NMNAT3: variants seen among roughly 807,000 people sequenced by gnomAD.
NMNAT3 encodes the protein nicotinamide nucleotide adenylyltransferase 3.
NMNAT3 carries 21 observed loss-of-function variants against 24.8 expected under a neutral mutation model. The observed-to-expected ratio is 0.85, with a 90% CI of 0.60 to 1.22. NMNAT3 has a LOEUF of 1.22. NMNAT3 is among the 50% of genes most tolerant of loss of function. The pLI is 0.00. For synonymous variants in NMNAT3, 136 were observed against 155.2 expected (o/e 0.88, Z 0.92); for missense variants, 387 against 436.6 (o/e 0.89, Z 1.01).
intron 3 of NMNAT3, chr3:139,583,350 C>CA: frequency 6.7e-7 from 1 of 1,482,820 alleles, no homozygotes; most frequent in Non-Finnish European, 9.4e-7. Context: ...GGAATCTGTT[C>CA]AATAGGTACA....
intron 1 of NMNAT3, among the ~76,000 whole-genome samples, chr3:139,669,304 C>T (rs1220293443): frequency 6.6e-6 from 1 of 151,738 alleles, no homozygotes; most frequent in Non-Finnish European, 1.5e-5. Flanking sequence ...GAAACCCCAT[C>T]TCTACAAGGT....
At chr3:139,561,489 G>A in intron 6 of NMNAT3, 97 bp from the exon 7 acceptor site, 2 of 913,278 alleles carry the variant, frequency 2.2e-6, no homozygotes, top group Non-Finnish European at 1.6e-6. Flanking sequence ...TTTCTTGGAT[G>A]TATCGAGAAC....
chr3:139,670,306 T>C (rs1041830404), intron 1 of NMNAT3, among the ~76,000 whole-genome samples: 1 of 152,240 alleles, frequency 6.6e-6, no homozygotes, highest in Non-Finnish European at 1.5e-5. Context: ...TCTATCTCTT[T>C]GTCTCAGCAA....
chr3:139,647,734 A>G (rs927878849), intron 1 of NMNAT3, among the ~76,000 whole-genome samples: 1 of 152,198 alleles, frequency 6.6e-6, no homozygotes, highest in Non-Finnish European at 1.5e-5. Flanking sequence ...TTCTCCCTTG[A>G]GCCTCTGAAC....
At chr3:139,661,891 A>G (rs1388068108) in intron 1 of NMNAT3, among the ~76,000 whole-genome samples, 3 of 152,158 alleles carry the variant, frequency 2.0e-5, no homozygotes, top group African/African-American at 7.2e-5. Context: ...CAATATGATC[A>G]CACCTGAAAT....
chr3:139,648,262 C>T (rs2056937077), intron 1 of NMNAT3, among the ~76,000 whole-genome samples: 1 of 152,206 alleles, frequency 6.6e-6, no homozygotes, highest in Admixed American at 6.5e-5. Context: ...TCCCCTTTGC[C>T]TTCTGCCATG....
chr3:139,652,697 C>A (rs1048224624), intron 1 of NMNAT3, among the ~76,000 whole-genome samples: 1 of 152,194 alleles, frequency 6.6e-6, no homozygotes, highest in Non-Finnish European at 1.5e-5. Flanking sequence ...ATTTTCAAAA[C>A]CAAATTACAT....
intron 6 of NMNAT3, chr3:139,572,366 A>G (rs554246070): frequency 5.1e-6 from 2 of 395,096 alleles, no homozygotes; most frequent in South Asian, 2.9e-4. Flanking sequence ...AGACCAGAGG[A>G]ATACAATAAA....
intron 3 of NMNAT3, among the ~76,000 whole-genome samples, chr3:139,626,863 A>G (rs1380191522): frequency 2.0e-5 from 3 of 152,192 alleles, no homozygotes; most frequent in Non-Finnish European, 2.9e-5. Flanking sequence ...GTATAAAAAC[A>G]ATGTCCTTAA....
At chr3:139,663,185 G>A (rs1018541793) in intron 1 of NMNAT3, among the ~76,000 whole-genome samples, 11 of 152,162 alleles carry the variant, frequency 7.2e-5, no homozygotes, top group African/African-American at 2.4e-4. Context: ...TGTGGCTCCT[G>A]CCTCCCTTCC....
intron 1 of NMNAT3, among the ~76,000 whole-genome samples, chr3:139,642,585 C>T (rs189396864): frequency 6.6e-6 from 1 of 152,280 alleles, no homozygotes; most frequent in African/African-American, 2.4e-5. Context: ...GCACTGTGAC[C>T]TGAGAACTTA....
At chr3:139,577,133 A>AG (rs1939439470) in intron 5 of NMNAT3, among the ~76,000 whole-genome samples, 2 of 151,994 alleles carry the variant, frequency 1.3e-5, no homozygotes, top group South Asian at 4.1e-4. Flanking sequence ...CTCAAAAAAA[A>AG]AAAATTAAAA....
intron 3 of NMNAT3, among the ~76,000 whole-genome samples, chr3:139,591,604 C>T (rs9875067): frequency 6.6e-6 from 1 of 151,484 alleles, no homozygotes; most frequent in African/African-American, 2.4e-5. Context: ...GGTTCTCCCA[C>T]CACGCAGCTG....
chr3:139,595,153 C>T (rs904461955), intron 3 of NMNAT3, among the ~76,000 whole-genome samples: 3 of 152,170 alleles, frequency 2.0e-5, no homozygotes, highest in African/African-American at 7.2e-5. Flanking sequence ...AACAAGCATT[C>T]TTATACACCA....
chr3:139,643,513 T>C (rs1371035483), intron 1 of NMNAT3, among the ~76,000 whole-genome samples: 10 of 152,166 alleles, frequency 6.6e-5, no homozygotes, highest in Non-Finnish European at 1.5e-4. Context: ...AAAAACAAAA[T>C]ATACGTTGCA....
intron 3 of NMNAT3, among the ~76,000 whole-genome samples, chr3:139,595,566 T>C (rs899685943): frequency 1.2e-4 from 18 of 152,094 alleles, no homozygotes; most frequent in East Asian, 1.9e-4. Flanking sequence ...AACTATACTA[T>C]AAGGCTACAG....
At chr3:139,576,081 T>C (rs1182853525) in intron 5 of NMNAT3, 15 of 1,281,074 alleles carry the variant, frequency 1.2e-5, no homozygotes, top group Non-Finnish European at 1.5e-5. Flanking sequence ...AGCTCTACAG[T>C]GAATTTACAT....
intron 1 of NMNAT3, among the ~76,000 whole-genome samples, chr3:139,639,162 C>A (rs113998577): frequency 1.2e-3 from 180 of 152,298 alleles, no homozygotes; most frequent in South Asian, 3.5e-3. Flanking sequence ...ATCCATCTGA[C>A]TGGAGAGTGA....
At position 139,627,745 on chromosome 3, in the gene NMNAT3, C is replaced by G; in HGVS notation, c.-21G>C. ...TTCATCTTGTCAGGCACATCCACAC[C>G]TGTTGCAGTGGCCACCCTGCTTTTA... is the stretch of plus-strand genomic sequence containing the variant. On this transcript the variant is annotated 5_prime_UTR_variant, in exon 3 of 7. Transcript: ENST00000643695. 1 of 1,493,032 alleles carries G rather than the reference C, an allele frequency of 6.7e-7. No individual in the cohort carries two copies. The highest frequency in any genetic ancestry group is 1.2e-5 in the South Asian group (1 of 83,142). 92.5% of individuals were successfully genotyped at this position (1,493,032 alleles called of 1,614,324 possible).
Sources: allele counts gnomAD v4.1 joint callset (sites outside exome capture counted in the v4.1 genomes callset), GRCh38; gene constraint gnomAD v4.1.1; transcripts MANE v1.5; gene names NCBI Gene and HGNC (gene_info 2026-07-23, HGNC 2026-07-21).